RIMS1: variants seen among roughly 807,000 people sequenced by gnomAD.
The protein encoded by RIMS1 is regulating synaptic membrane exocytosis protein 1.
Under a neutral mutation model 214.1 loss-of-function variants are expected in RIMS1, and 83 were observed. The ratio of observed to expected loss-of-function variants is 0.39; its 90% confidence interval spans 0.32 to 0.47. RIMS1 has a LOEUF of 0.47. Ranked by LOEUF, RIMS1 falls within the 20% of genes least tolerant of loss-of-function variation. The pLI is 0.99. For missense variants in RIMS1, 2,050 were observed against 2,161.8 expected (o/e 0.95, Z 1.03); for synonymous variants, 793 against 786.8 (o/e 1.01, Z -0.13).
chr6:72,133,896 C>G (rs2040853498), intron 4 of RIMS1, among the ~76,000 whole-genome samples: 1 of 152,064 alleles, frequency 6.6e-6, no homozygotes, highest in Non-Finnish European at 1.5e-5. Context: ...CAGCTGAGGA[C>G]TCAGATCCTG....
chr6:72,316,968 G>A, intron 28 of RIMS1: 1 of 607,752 alleles, frequency 1.6e-6, no homozygotes, highest in Admixed American at 2.1e-5. Flanking sequence ...GCTCTGTGGA[G>A]AGGGTCGAGG....
intron 2 of RIMS1, among the ~76,000 whole-genome samples, chr6:72,053,646 G>A (rs1436658823): frequency 6.6e-6 from 1 of 152,190 alleles, no homozygotes; most frequent in African/African-American, 2.4e-5. Context: ...TGTGAAGAAT[G>A]GTCCTGGAAA....
intron 4 of RIMS1, among the ~76,000 whole-genome samples, chr6:72,133,737 T>C (rs1209733458): frequency 1.3e-5 from 2 of 152,172 alleles, no homozygotes; most frequent in Non-Finnish European, 2.9e-5. Context: ...GAGGCAGTCA[T>C]AGCAACAACC....
At chr6:72,027,929 A>T (rs2151986446) in intron 2 of RIMS1, among the ~76,000 whole-genome samples, 1 of 152,258 alleles carries the variant, frequency 6.6e-6, no homozygotes, top group African/African-American at 2.4e-5. Flanking sequence ...CATTAAGTAT[A>T]TTGGAGACAT....
intron 4 of RIMS1, among the ~76,000 whole-genome samples, chr6:72,113,375 T>C (rs1157543279): frequency 2.6e-5 from 4 of 152,212 alleles, no homozygotes; most frequent in African/African-American, 4.8e-5. Flanking sequence ...GCATGGAATA[T>C]GTCTATATTT....
chr6:71,887,866 T>A (rs1212098041), intron 1 of RIMS1, among the ~76,000 whole-genome samples: 6 of 152,124 alleles, frequency 3.9e-5, no homozygotes, highest in Non-Finnish European at 7.4e-5. Flanking sequence ...CCACTGGCAA[T>A]ACAAAGTTTT....
intron 2 of RIMS1, among the ~76,000 whole-genome samples, chr6:72,032,802 G>A (rs187142491): frequency 2.4e-4 from 37 of 152,176 alleles, no homozygotes; most frequent in Non-Finnish European, 4.3e-4. Flanking sequence ...AAGGATCTAC[G>A]TGCCCTTATG....
intron 4 of RIMS1, among the ~76,000 whole-genome samples, chr6:72,147,448 G>A (rs1187179407): frequency 6.6e-6 from 1 of 152,168 alleles, no homozygotes; most frequent in Non-Finnish European, 1.5e-5. Context: ...CTGAAAGACA[G>A]AAACAAATTT....
chr6:72,065,515 C>A (rs1045172587), intron 2 of RIMS1, among the ~76,000 whole-genome samples: 1 of 151,338 alleles, frequency 6.6e-6, no homozygotes, highest in Admixed American at 6.6e-5. Context: ...TGTTCCTCTC[C>A]GAGGAAAAAA....
intron 6 of RIMS1, among the ~76,000 whole-genome samples, chr6:72,185,131 G>C (rs2048914369): frequency 6.6e-6 from 1 of 152,148 alleles, no homozygotes; most frequent in Middle Eastern, 3.2e-3. Flanking sequence ...TGTTGAAGTG[G>C]TCTACTTGCC....
At chr6:72,142,883 G>A (rs1038186685) in intron 4 of RIMS1, among the ~76,000 whole-genome samples, 4 of 152,104 alleles carry the variant, frequency 2.6e-5, no homozygotes, top group Non-Finnish European at 4.4e-5. Flanking sequence ...ATTTAACCTA[G>A]TATATGAAGT....
chr6:72,117,932 C>A (rs1366594103), intron 4 of RIMS1, among the ~76,000 whole-genome samples: 1 of 151,428 alleles, frequency 6.6e-6, no homozygotes, highest in East Asian at 1.9e-4. Flanking sequence ...AAGATCAGAG[C>A]AAAACTAAAT....
chr6:72,357,475 A>G (rs2097684841), intron 29 of RIMS1, among the ~76,000 whole-genome samples: 1 of 152,156 alleles, frequency 6.6e-6, no homozygotes, highest in Admixed American at 6.6e-5. Flanking sequence ...ATTTATGTTT[A>G]CTTGTATTAG....
rs1025636904 is a variant in RIMS1 at position 72,234,197 on chromosome 6, A to G, written c.1746+357A>G. 9.9e-5 allele frequency among the ~76,000 whole-genome samples: 15 copies of G among 151,946 alleles called. 1 individual carries two copies. Among genetic ancestry groups the G allele is most frequent in the Admixed American group, 2.0e-4 (3 of 15,202 alleles). ...TTTAAAAATGTATACTTATTTGCCA[A>G]CCACTTTAAGAAACTTTTAGTATAA... On this transcript the variant is annotated intron_variant, in intron 7 of 33. Transcript: ENST00000521978.
intron 3 of RIMS1, among the ~76,000 whole-genome samples, chr6:72,098,959 C>T (rs768753964): frequency 1.3e-5 from 2 of 152,160 alleles, no homozygotes; most frequent in Non-Finnish European, 2.9e-5. Flanking sequence ...TTCTATAGTG[C>T]TCTTTAATAC....
At chr6:72,216,807 G>T in intron 6 of RIMS1, 16 of 992,616 alleles carry the variant, frequency 1.6e-5, no homozygotes, top group Non-Finnish European at 1.9e-5. Flanking sequence ...GCTTCAGGAA[G>T]GTAGCAGCTT....
intron 29 of RIMS1, among the ~76,000 whole-genome samples, chr6:72,337,895 C>G (rs2096901229): frequency 6.6e-6 from 1 of 151,590 alleles, no homozygotes; most frequent in Non-Finnish European, 1.5e-5. Context: ...CCAGCTTCAT[C>G]CATGTCCATA....
At chr6:72,306,441 A>G (rs1224402552) in intron 26 of RIMS1, among the ~76,000 whole-genome samples, 1 of 152,148 alleles carries the variant, frequency 6.6e-6, no homozygotes, top group Non-Finnish European at 1.5e-5. Context: ...TTCATTTGTA[A>G]AAATGCAAAA....
intron 29 of RIMS1, 132 bp downstream of exon 29, chr6:72,333,967 C>T (rs2096755924): frequency 3.0e-6 from 2 of 673,386 alleles, no homozygotes; most frequent in African/African-American, 1.8e-5. Context: ...ATTTTTCTGT[C>T]TCTGAAAATC....
Sources: gnomAD v4.1 joint callset for allele counts (sites outside exome capture counted in the v4.1 genomes callset) on GRCh38, gnomAD v4.1.1 for gene constraint, MANE v1.5 for transcripts, NCBI Gene and HGNC (gene_info 2026-07-23, HGNC 2026-07-21) for gene names.